Variants in GMDS observed in about 807,000 individuals in gnomAD.
GMDS encodes GDP-mannose 4,6-dehydratase.
Under a neutral mutation model 49.9 loss-of-function variants are expected in GMDS, and 20 were observed. That is an observed-to-expected ratio of 0.40 (90% CI 0.28 to 0.58). The LOEUF is 0.58. Among genes scored for constraint, GMDS ranks in the 20% least tolerant of loss-of-function variants. The pLI is 0.42. For synonymous variants in GMDS, 177 were observed against 178.6 expected, an observed-to-expected ratio of 0.99 and a Z score of 0.07; for missense variants, 362 against 481.4, an observed-to-expected ratio of 0.75 and a Z score of 2.32.
chr6:1,966,793 A>G (rs1764284310), intron 4 of GMDS, among the ~76,000 whole-genome samples: 1 of 152,122 alleles, frequency 6.6e-6, no homozygotes, highest in African/African-American at 2.4e-5. Flanking sequence ...GTCTGTAAAT[A>G]GCACCCATTC....
In GMDS at chr6:2,013,925, C is replaced by CATATATATATATATATATATATAT. The variant is rs10523956; in HGVS notation, c.346-52983_346-52960dup. ...AGAGAACACCAGAGAGGATAAAAACCATATATATATATATATATATATATA... is the reference window on the plus strand; with the variant it reads ...AGAGAACACCAGAGAGGATAAAAACCATATATATATATATATATATATATATATATATATATATATATATATATA... On this transcript the variant is annotated intron_variant, in intron 4 of 10. Transcript: ENST00000380815. Among the ~76,000 whole-genome samples the CATATATATATATATATATATATAT allele has an allele frequency of 1.5e-3, 187 of 124,904 alleles. 3 individuals are homozygous for CATATATATATATATATATATATAT. Among genetic ancestry groups the CATATATATATATATATATATATAT allele is most frequent in the Middle Eastern group, 3.8e-3 (1 of 266 alleles). 81.9% of individuals were successfully genotyped at this position (124,904 alleles called of 152,430 possible). A position where few individuals can be genotyped will look rare whatever the true frequency, so the allele number is the denominator to read the frequency against.
At chr6:2,001,764 A>C (rs1283374004) in intron 4 of GMDS, among the ~76,000 whole-genome samples, 1 of 152,210 alleles carries the variant, frequency 6.6e-6, no homozygotes, top group African/African-American at 2.4e-5. Context: ...TTTCGACAAG[A>C]GTTGCTAGGA....
At chr6:2,224,182 A>G (rs1780720573) in intron 1 of GMDS, among the ~76,000 whole-genome samples, 1 of 152,218 alleles carries the variant, frequency 6.6e-6, no homozygotes, top group African/African-American at 2.4e-5. Flanking sequence ...ACAGTCCTTA[A>G]GAGATAAGAA....
At chr6:2,149,253 GTTTGA>G (rs750466507) in intron 1 of GMDS, among the ~76,000 whole-genome samples, 50 of 152,164 alleles carry the variant, frequency 3.3e-4, no homozygotes, top group Admixed American at 5.9e-4. Context: ...ACAGCCAGTG[GTTTGA>G]TTTGAAGAGA....
intron 1 of GMDS, among the ~76,000 whole-genome samples, chr6:2,227,183 AATATATATATTTCCATATATATGTCATAT>A (rs1266339585): frequency 4.6e-5 from 7 of 152,086 alleles, no homozygotes; most frequent in South Asian, 2.1e-4. Context: ...AAGTTTATGA[AATATATATATTTCCATATATATGTCATAT>A]ATATATATAA....
At chr6:1,694,236 A>G (rs1765264785) in intron 9 of GMDS, among the ~76,000 whole-genome samples, 1 of 152,254 alleles carries the variant, frequency 6.6e-6, no homozygotes, top group Non-Finnish European at 1.5e-5. Flanking sequence ...AAGGAAAAAA[A>G]TCTACCCATT....
At chr6:2,032,121 A>T (rs1248170763) in intron 4 of GMDS, among the ~76,000 whole-genome samples, 1 of 152,202 alleles carries the variant, frequency 6.6e-6, no homozygotes, top group South Asian at 2.1e-4. Context: ...AATCCCAGCA[A>T]AAGATAGTAT....
intron 4 of GMDS, among the ~76,000 whole-genome samples, chr6:1,998,668 A>G (rs1010260649): frequency 2.6e-5 from 4 of 152,224 alleles, no homozygotes; most frequent in African/African-American, 9.6e-5. Flanking sequence ...TTATTTACAT[A>G]GCATTTATAA....
chr6:2,117,181 T>C (rs1481152537), intron 3 of GMDS, among the ~76,000 whole-genome samples: 1 of 152,204 alleles, frequency 6.6e-6, no homozygotes, highest in East Asian at 1.9e-4. Context: ...CTTGAGGGGA[T>C]AAGGACACCT....
At chr6:1,913,045 T>C (rs1186887696) in intron 7 of GMDS, among the ~76,000 whole-genome samples, 1 of 152,222 alleles carries the variant, frequency 6.6e-6, no homozygotes, top group African/African-American at 2.4e-5. Flanking sequence ...TTTATTGTTA[T>C]TTGATCAAGA....
chr6:1,930,473 G>A (rs1490251029), intron 6 of GMDS: 6 of 359,400 alleles, frequency 1.7e-5, no homozygotes, highest in Non-Finnish European at 2.5e-5. Context: ...TTTCTTTGGG[G>A]GACATCTTAA....
At chr6:1,735,988 GT>G (rs1372022173) in intron 8 of GMDS, among the ~76,000 whole-genome samples, 1 of 152,146 alleles carries the variant, frequency 6.6e-6, no homozygotes, top group Non-Finnish European at 1.5e-5. Flanking sequence ...GAGGTGTGAG[GT>G]GCTGTGCCAG....
At chr6:2,107,439 T>C (rs1774305978) in intron 4 of GMDS, among the ~76,000 whole-genome samples, 1 of 152,208 alleles carries the variant, frequency 6.6e-6, no homozygotes, top group Non-Finnish European at 1.5e-5. Flanking sequence ...AACTTCTTCC[T>C]AAGAACCATG....
chr6:2,024,585 A>T (rs559494825), intron 4 of GMDS, among the ~76,000 whole-genome samples: 31 of 152,098 alleles, frequency 2.0e-4, no homozygotes, highest in African/African-American at 6.3e-4. Flanking sequence ...TCAAGTATGC[A>T]TGTTAAAGTT....
intron 9 of GMDS, among the ~76,000 whole-genome samples, chr6:1,686,180 G>A (rs992938805): frequency 6.6e-6 from 1 of 152,186 alleles, no homozygotes; most frequent in African/African-American, 2.4e-5. Context: ...ACTGAAGCCA[G>A]TTTCTCCTGC....
At chr6:1,810,118 C>T (rs1770354351) in intron 7 of GMDS, among the ~76,000 whole-genome samples, 1 of 152,078 alleles carries the variant, frequency 6.6e-6, no homozygotes, top group East Asian at 1.9e-4. Context: ...CAGCCCTGCC[C>T]TCCCCTAGAG....
intron 1 of GMDS, among the ~76,000 whole-genome samples, chr6:2,240,616 A>G (rs9378327): frequency 0.12 from 18,485 of 150,874 alleles, 1,211 homozygotes; most frequent in Middle Eastern, 0.21. Flanking sequence ...AAAAAAAAAA[A>G]AAAAGAAAAG....
At chr6:1,811,718 C>T (rs1770438287) in intron 7 of GMDS, among the ~76,000 whole-genome samples, 1 of 152,164 alleles carries the variant, frequency 6.6e-6, no homozygotes, top group African/African-American at 2.4e-5. Context: ...TCCACTGCCA[C>T]TGCACACAGT....
intron 1 of GMDS, among the ~76,000 whole-genome samples, chr6:2,232,267 G>A (rs1450610745): frequency 1.3e-5 from 2 of 152,062 alleles, no homozygotes; most frequent in African/African-American, 4.8e-5. Flanking sequence ...ACCAGTCTAT[G>A]TAAAATCTAA....
Sources: allele counts gnomAD v4.1 joint callset (sites outside exome capture counted in the v4.1 genomes callset), GRCh38; gene constraint gnomAD v4.1.1; transcripts MANE v1.5; gene names NCBI Gene and HGNC (gene_info 2026-07-23, HGNC 2026-07-21).